Variants in CCNY observed in about 807,000 individuals in gnomAD.
CCNY encodes the protein cyclin Y, also known as cyclin-Y.
In CCNY, 19 loss-of-function variants were observed where a neutral mutation model predicts 42.8. The observed-to-expected ratio is 0.44, with a 90% CI of 0.31 to 0.65. The LOEUF (loss-of-function observed/expected upper bound fraction) is 0.65. CCNY is among the 30% of genes least tolerant of loss of function. The pLI is 0.07. For missense variants in CCNY, 370 were observed against 437.3 expected, an observed-to-expected ratio of 0.85 and a Z score of 1.37; for synonymous variants, 165 against 162.7, an observed-to-expected ratio of 1.01 and a Z score of -0.11.
At chr10:35,415,722 C>A (rs1838009250) in intron 1 of CCNY, among the ~76,000 whole-genome samples, 1 of 152,180 alleles carries the variant, frequency 6.6e-6, no homozygotes, top group African/African-American at 2.4e-5. Flanking sequence ...TCCTGAGAAG[C>A]CTGGGTCAGG....
chr10:35,485,903 T>G (rs1839779026), intron 2 of CCNY, among the ~76,000 whole-genome samples: 1 of 152,196 alleles, frequency 6.6e-6, no homozygotes, highest in South Asian at 2.1e-4. Context: ...TATTTGTCCC[T>G]CTAATGTAGT....
intron 1 of CCNY, among the ~76,000 whole-genome samples, chr10:35,406,105 T>C (rs1290216317): frequency 1.3e-5 from 2 of 151,884 alleles, no homozygotes; most frequent in African/African-American, 2.4e-5. Context: ...ACTCTATTAC[T>C]GTACACCTTG....
chr10:35,271,600 A>T (rs926247109), intron 3 of CCNY, among the ~76,000 whole-genome samples: 1 of 152,184 alleles, frequency 6.6e-6, no homozygotes, highest in Non-Finnish European at 1.5e-5. Context: ...CCCAGGCTAA[A>T]GTGCAGCCTG....
intron 1 of CCNY, among the ~76,000 whole-genome samples, chr10:35,444,077 C>G (rs1838735020): frequency 6.6e-6 from 1 of 152,164 alleles, no homozygotes; most frequent in Admixed American, 6.5e-5. Flanking sequence ...GCTGAGAGAT[C>G]CTTTGTCTTA....
intron 1 of CCNY, among the ~76,000 whole-genome samples, chr10:35,452,874 CTGGG>C (rs561713068): frequency 4.1e-4 from 62 of 151,762 alleles, no homozygotes; most frequent in African/African-American, 1.4e-3. Flanking sequence ...TTTTTAAAAG[CTGGG>C]TTTGTCTAAA....
chr10:35,460,435 A>C (rs1839132934), intron 1 of CCNY, among the ~76,000 whole-genome samples: 1 of 145,324 alleles, frequency 6.9e-6, no homozygotes, highest in Admixed American at 7.0e-5. Flanking sequence ...CATTGGAAGA[A>C]GAAGAATTGT....
At chr10:35,536,006 G>A (rs897883676) in intron 7 of CCNY, among the ~76,000 whole-genome samples, 9 of 152,166 alleles carry the variant, frequency 5.9e-5, no homozygotes, top group African/African-American at 1.9e-4. Flanking sequence ...ATGAACATAA[G>A]TTTGTGATAA....
intron 3 of CCNY, chr10:35,315,082 A>C (rs1440833445): frequency 1.3e-5 from 2 of 152,106 alleles, no homozygotes; most frequent in African/African-American, 4.8e-5. Context: ...ACTCCGTCTC[A>C]AAAAAATATA....
At position 35,474,498 on chromosome 10, in the gene CCNY, C is replaced by T. The variant is rs571102380; in HGVS notation, c.155-8906C>T. Among the ~76,000 whole-genome samples, 1,068 of 152,266 alleles carry T rather than the reference C, an allele frequency of 7.0e-3. 11 individuals carry two copies. The highest frequency in any genetic ancestry group is 0.024 in the African/African-American group (1,018 of 41,552). Reference sequence around the variant, plus strand: ...AAGTGGGTCCCTGACCCCTGACCCCCGAGCAGCCTAACTGGGAGGCACCCT... The same window carrying T: ...AAGTGGGTCCCTGACCCCTGACCCCTGAGCAGCCTAACTGGGAGGCACCCT... On this transcript the variant is annotated intron_variant, in intron 1 of 9. Transcript: ENST00000374704.
intron 1 of CCNY, among the ~76,000 whole-genome samples, chr10:35,440,571 T>C (rs1166042239): frequency 6.6e-6 from 1 of 152,196 alleles, no homozygotes; most frequent in Non-Finnish European, 1.5e-5. Context: ...GCTAGATGTC[T>C]TCAGAATAAG....
At chr10:35,501,764 G>C (rs1437377447) in intron 3 of CCNY, 1 of 462,904 alleles carries the variant, frequency 2.2e-6, no homozygotes, top group African/African-American at 1.9e-5. Context: ...TTCATGAGAT[G>C]ATGTGTGTGA....
intron 1 of CCNY, among the ~76,000 whole-genome samples, chr10:35,381,133 T>C (rs1447337030): frequency 6.6e-6 from 1 of 152,240 alleles, no homozygotes; most frequent in Admixed American, 6.5e-5. Context: ...GAATTTTGCC[T>C]GCAGTTCTAA....
At chr10:35,271,419 A>G (rs1186920741) in intron 3 of CCNY, among the ~76,000 whole-genome samples, 2 of 152,170 alleles carry the variant, frequency 1.3e-5, no homozygotes, top group African/African-American at 4.8e-5. Context: ...CCAGAGCTCT[A>G]CCAGGTCCTC....
At chr10:35,481,592 C>CTT (rs2135364342) in intron 1 of CCNY, among the ~76,000 whole-genome samples, 1 of 152,290 alleles carries the variant, frequency 6.6e-6, no homozygotes, top group Non-Finnish European at 1.5e-5. Flanking sequence ...CAGATGCTGT[C>CTT]TGAGGCCAAG....
intron 1 of CCNY, among the ~76,000 whole-genome samples, chr10:35,363,484 C>T (rs1426005287): frequency 1.3e-5 from 2 of 152,066 alleles, no homozygotes; most frequent in Non-Finnish European, 2.9e-5. Flanking sequence ...CTGGTAGAGG[C>T]GGGGATACCA....
At chr10:35,395,204 T>C (rs923280083) in intron 1 of CCNY, among the ~76,000 whole-genome samples, 3 of 152,066 alleles carry the variant, frequency 2.0e-5, no homozygotes, top group Non-Finnish European at 4.4e-5. Context: ...TACCAGAAAG[T>C]GATGGGTAAT....
intron 1 of CCNY, among the ~76,000 whole-genome samples, chr10:35,363,022 G>T (rs1836724850): frequency 6.7e-6 from 1 of 149,010 alleles, no homozygotes; most frequent in Non-Finnish European, 1.5e-5. Flanking sequence ...TTCCCAGGTG[G>T]TGGGCCGCCG....
At chr10:35,271,194 G>C (rs1051849500) in intron 3 of CCNY, among the ~76,000 whole-genome samples, 11 of 152,134 alleles carry the variant, frequency 7.2e-5, no homozygotes, top group African/African-American at 2.4e-4. Flanking sequence ...ACTGTCCCCA[G>C]AATTGAAGAG....
intron 1 of CCNY, among the ~76,000 whole-genome samples, chr10:35,404,763 C>T (rs1180293715): frequency 6.6e-6 from 1 of 152,098 alleles, no homozygotes; most frequent in Non-Finnish European, 1.5e-5. Context: ...TGGACACAAT[C>T]AGCAGGGAGA....
Sources: allele counts gnomAD v4.1 joint callset (sites outside exome capture counted in the v4.1 genomes callset), GRCh38; gene constraint gnomAD v4.1.1; transcripts MANE v1.5; gene names NCBI Gene and HGNC (gene_info 2026-07-23, HGNC 2026-07-21).